AOAH: variants seen among roughly 807,000 people sequenced by gnomAD.
AOAH encodes acyloxyacyl hydrolase (neutrophil).
In AOAH, 64 loss-of-function variants were observed where a neutral mutation model predicts 92.2. The observed-to-expected ratio is 0.69, with a 90% confidence interval of 0.57 to 0.86. AOAH has a LOEUF of 0.86. AOAH is among the 40% of genes least tolerant of loss of function. AOAH has a pLI of 0.00. For synonymous variants in AOAH, 263 were observed against 254.5 expected, an observed-to-expected ratio of 1.03 and a Z score of -0.32; for missense variants, 656 against 694.6, an observed-to-expected ratio of 0.94 and a Z score of 0.62.
intron 1 of AOAH, 63 bp downstream of exon 1, chr7:36,723,959 A>T: frequency 1.3e-6 from 2 of 1,538,736 alleles, no homozygotes; most frequent in Non-Finnish European, 1.8e-6. Context: ...TTATTACGCA[A>T]GCAAAGTACT....
intron 11 of AOAH, among the ~76,000 whole-genome samples, chr7:36,601,375 G>A (rs1790572973): frequency 6.7e-6 from 1 of 148,302 alleles, no homozygotes; most frequent in African/African-American, 2.4e-5. Context: ...GGGAGAGGGG[G>A]GAAGGGGAGG....
At chr7:36,618,163 A>G (rs1176426770) in intron 10 of AOAH, 134 bp downstream of exon 10, 4 of 646,254 alleles carry the variant, frequency 6.2e-6, no homozygotes, top group Non-Finnish European at 1.1e-5. Context: ...ATGAAAATAA[A>G]TGTAAGTTGG....
intron 1 of AOAH, among the ~76,000 whole-genome samples, chr7:36,688,834 CAT>C (rs557481433): frequency 6.6e-4 from 91 of 137,300 alleles, no homozygotes; most frequent in African/African-American, 1.1e-3. Context: ...TGTATATATA[CAT>C]ATATATATGT....
At chr7:36,527,669 G>A (rs1325022618) in intron 19 of AOAH, among the ~76,000 whole-genome samples, 1 of 152,184 alleles carries the variant, frequency 6.6e-6, no homozygotes, top group Non-Finnish European at 1.5e-5. Flanking sequence ...ACGTGGGTTA[G>A]TTATTTCTAT....
intron 16 of AOAH, among the ~76,000 whole-genome samples, chr7:36,537,929 A>G (rs1785180698): frequency 6.6e-6 from 1 of 151,772 alleles, no homozygotes; most frequent in South Asian, 2.1e-4. Flanking sequence ...GAAGTGGACA[A>G]ATCCCCCAAT....
intron 16 of AOAH, among the ~76,000 whole-genome samples, chr7:36,535,412 T>C (rs1466757642): frequency 6.6e-6 from 1 of 152,180 alleles, no homozygotes; most frequent in African/African-American, 2.4e-5. Flanking sequence ...CACATCTCCA[T>C]GAAATGCCAT....
chr7:36,690,028 C>T (rs1797289325), intron 1 of AOAH: 1 of 325,746 alleles, frequency 3.1e-6, no homozygotes, highest in Admixed American at 4.2e-5. Flanking sequence ...TTGTTTTAAT[C>T]CGTGGCTTAG....
chr7:36,533,232 C>T (rs1328498593), intron 16 of AOAH, among the ~76,000 whole-genome samples: 1 of 151,810 alleles, frequency 6.6e-6, no homozygotes, highest in African/African-American at 2.4e-5. Context: ...CAGGTCTCCC[C>T]AAATCTCGGG....
chr7:36,694,015 A>G (rs929367072), intron 1 of AOAH, among the ~76,000 whole-genome samples: 3 of 152,228 alleles, frequency 2.0e-5, no homozygotes, highest in African/African-American at 7.2e-5. Flanking sequence ...ATTATTTTAA[A>G]TGGTCTATAA....
At chr7:36,673,501 C>A (rs1796054952) in intron 3 of AOAH, among the ~76,000 whole-genome samples, 1 of 152,186 alleles carries the variant, frequency 6.6e-6, no homozygotes, top group African/African-American at 2.4e-5. Context: ...CACACCACTG[C>A]CCTCCAGCCT....
intron 1 of AOAH, among the ~76,000 whole-genome samples, chr7:36,709,281 A>G (rs996968531): frequency 6.6e-6 from 1 of 152,112 alleles, no homozygotes; most frequent in Non-Finnish European, 1.5e-5. Flanking sequence ...ATCTGTCCCA[A>G]TAGCAGTAAA....
At chr7:36,658,006 A>G (rs1056482423) in intron 4 of AOAH, among the ~76,000 whole-genome samples, 4 of 152,152 alleles carry the variant, frequency 2.6e-5, no homozygotes, top group African/African-American at 9.7e-5. Context: ...AGAAAATATT[A>G]TGATATTATG....
intron 3 of AOAH, among the ~76,000 whole-genome samples, chr7:36,672,690 G>A (rs894060967): frequency 1.1e-4 from 16 of 152,166 alleles, no homozygotes; most frequent in African/African-American, 3.9e-4. Flanking sequence ...AAACCCAGAT[G>A]ACGGGTTGAT....
intron 1 of AOAH, among the ~76,000 whole-genome samples, chr7:36,692,038 A>G (rs988371439): frequency 2.0e-5 from 3 of 152,318 alleles, no homozygotes; most frequent in East Asian, 1.9e-4. Context: ...CAGGAGACCA[A>G]CTGAAGAATT....
intron 2 of AOAH, among the ~76,000 whole-genome samples, chr7:36,675,720 T>A (rs1796212765): frequency 6.6e-6 from 1 of 152,168 alleles, no homozygotes; most frequent in Non-Finnish European, 1.5e-5. Flanking sequence ...AAATCTCTCA[T>A]GAATATAACC....
At chr7:36,585,597 A>G (rs1481175690) in intron 12 of AOAH, among the ~76,000 whole-genome samples, 1 of 152,228 alleles carries the variant, frequency 6.6e-6, no homozygotes, top group Non-Finnish European at 1.5e-5. Flanking sequence ...CACCTGTAGG[A>G]GAAAAAAATA....
chr7:36,546,769 C>A (rs1408943549), intron 15 of AOAH, among the ~76,000 whole-genome samples: 2 of 152,168 alleles, frequency 1.3e-5, no homozygotes, highest in East Asian at 3.9e-4. Flanking sequence ...CTGGTCTGAC[C>A]ATAGCTTTGT....
At chr7:36,673,045 G>A (rs1301480035) in intron 3 of AOAH, among the ~76,000 whole-genome samples, 1 of 152,138 alleles carries the variant, frequency 6.6e-6, no homozygotes, top group African/African-American at 2.4e-5. Context: ...GAGAATAAAG[G>A]GGAGGGACCA....
At chr7:36,519,596 A>G (rs1784006379) in intron 20 of AOAH, among the ~76,000 whole-genome samples, 1 of 152,136 alleles carries the variant, frequency 6.6e-6, no homozygotes, top group South Asian at 2.1e-4. Context: ...ACGCCCAGCT[A>G]ATTTTGTATT....
Sources: allele counts gnomAD v4.1 joint callset (sites outside exome capture counted in the v4.1 genomes callset), GRCh38; gene constraint gnomAD v4.1.1; transcripts MANE v1.5; gene names NCBI Gene and HGNC (gene_info 2026-07-23, HGNC 2026-07-21).